ANKRD22: variants seen among roughly 807,000 people sequenced by gnomAD.
The protein encoded by ANKRD22 is ankyrin repeat domain-containing protein 22.
A neutral mutation model predicts 25.7 loss-of-function variants in ANKRD22; 24 were observed. That is an observed-to-expected ratio of 0.93 (90% CI 0.68 to 1.31). The LOEUF (loss-of-function observed/expected upper bound fraction) is 1.31. Among genes scored for constraint, ANKRD22 ranks in the 50% most tolerant of loss-of-function variants. The pLI is 0.00. For synonymous variants in ANKRD22, 84 were observed against 84.3 expected, an observed-to-expected ratio of 1.00 and a Z score of 0.02; for missense variants, 214 against 227.1, an observed-to-expected ratio of 0.94 and a Z score of 0.37.
At chr10:88,832,837 C>T (rs138202330) in intron 1 of ANKRD22, among the ~76,000 whole-genome samples, 221 of 152,248 alleles carry the variant, frequency 1.5e-3, no homozygotes, top group Middle Eastern at 3.4e-3. Flanking sequence ...CAGCCTTTCT[C>T]GACTTCTGTT....
chr10:88,824,999 T>TCACACA (rs1242949843), intron 4 of ANKRD22, among the ~76,000 whole-genome samples: 2 of 82,086 alleles, frequency 2.4e-5, no homozygotes, highest in East Asian at 6.0e-4. Flanking sequence ...TCTCTCTCTC[T>TCACACA]CTCTCTCTCT....
chr10:88,828,135 C>G (rs1393150877), intron 3 of ANKRD22, among the ~76,000 whole-genome samples: 3 of 152,150 alleles, frequency 2.0e-5, no homozygotes, highest in Non-Finnish European at 4.4e-5. Flanking sequence ...TGGATGCAAA[C>G]TTTTAGGATC....
rs891346978 is a variant in ANKRD22 at position 88,848,324 on chromosome 10, A to G, written c.21+3263T>C. Among the ~76,000 whole-genome samples, 79 of 151,912 alleles carry G rather than the reference A, an allele frequency of 5.2e-4. 1 individual carries two copies. Among genetic ancestry groups the G allele is most frequent in the African/African-American group, 1.8e-3 (76 of 41,466 alleles). ...TGAATAAATAAATAAAGGTATACAC[A>G]TTTTCAATCCTGGTGTCTTTTCATA... On this transcript the variant is annotated intron_variant, in intron 1 of 5. Transcript: ENST00000371930.
In ANKRD22 at chr10:88,838,980, G is replaced by A. The variant is rs1201437029; in HGVS notation, c.22-6954C>T. 2.0e-5 allele frequency among the ~76,000 whole-genome samples: 3 copies of A among 152,322 alleles called. No individual in the cohort carries two copies. The East Asian group carries it at 5.8e-4, about 29-fold the overall frequency. On this transcript the variant is annotated intron_variant, in intron 1 of 5. Transcript: ENST00000371930. ...CCTGTGAACAGCGCTCCCTAGAGCC[G>A]TGCTCTGGACAACCTGAAAAGCTAA...
chr10:88,828,579 G>T lies in ANKRD22; in HGVS notation c.301C>A (p.Leu101Ile). The T allele has an allele frequency of 6.2e-7, 1 of 1,607,754 alleles. No individual in the cohort carries two copies. Among genetic ancestry groups the T allele is most frequent in the Non-Finnish European group, 8.5e-7 (1 of 1,175,256 alleles). The change falls in exon 3 of 6, where the codon CTT (leucine) becomes ATT (isoleucine). Residue 101 changes from leucine (L) to isoleucine (I), a missense_variant. Transcript: ENST00000371930. The part of the protein sequence containing the change: ...LLIILLMPVL[L>I]IGYFLMVSKT... ...CTCACCATGAGGAAATACCCAATAA[G>T]CAGAACAGGCATTAAGAGGATAATT...
intron 1 of ANKRD22, among the ~76,000 whole-genome samples, chr10:88,836,134 C>T (rs1218831778): frequency 6.6e-6 from 1 of 152,176 alleles, no homozygotes; most frequent in Non-Finnish European, 1.5e-5. Context: ...CTCACGTGTT[C>T]CATATGCCGT....
chr10:88,851,602 T>A lies in ANKRD22; in HGVS notation c.6A>T (p.Gly2=). Residue 2 remains glycine, a synonymous_variant, in exon 1 of 6, where the codon GGA becomes GGT. Coordinates refer to ENST00000371930, the MANE Select transcript of ANKRD22 (RefSeq NM_144590.3). M[G]ILYSEPICQA... ...GGTGATGTACCTCAGAGTATAGGAT[T>A]CCCATGCTGGTCCTTCACAGGCTTA... The A allele has an allele frequency of 6.2e-7, 1 of 1,613,484 alleles. No homozygotes were observed. Among genetic ancestry groups the A allele is most frequent in the Non-Finnish European group, 8.5e-7 (1 of 1,179,560 alleles).
Position 88,824,420 on chromosome 10 carries a change from C to T in ANKRD22, c.400-1042G>A, listed in dbSNP as rs188856647. Among the ~76,000 whole-genome samples, 309 of 152,238 alleles carry T rather than the reference C, an allele frequency of 2.0e-3. 3 individuals are homozygous for T. Among genetic ancestry groups the T allele is most frequent in the Non-Finnish European group, 3.7e-3 (249 of 68,016 alleles). On this transcript the variant is annotated intron_variant, in intron 4 of 5. Transcript: ENST00000371930. Reference sequence around the variant, plus strand: ...TCTAAAATTATAGGAGATCATGTTGCAATTATTTATTTTTATTAAGTGGTG... The same window carrying T: ...TCTAAAATTATAGGAGATCATGTTGTAATTATTTATTTTTATTAAGTGGTG...
chr10:88,823,144 T>A, intron 5 of ANKRD22, 126 bp from the exon 6 acceptor site: 4 of 1,217,440 alleles, frequency 3.3e-6, no homozygotes, highest in Non-Finnish European at 3.6e-6. Flanking sequence ...AGTAATAGGA[T>A]AACTTCATTC....
At chr10:88,823,062 A>C (rs143893454) in intron 5 of ANKRD22, 44 bp from the exon 6 acceptor site, 1 of 1,574,812 alleles carries the variant, frequency 6.3e-7, no homozygotes, top group African/African-American at 1.4e-5. Flanking sequence ...AGAGTGCCCA[A>C]GATCTCGTAC....
chr10:88,820,519 A>C lies in ANKRD22; in HGVS notation c.*2422T>G. On this transcript the variant is annotated 3_prime_UTR_variant, in exon 6 of 6. Transcript: ENST00000371930. ...TATTGTGAAGCATCTGACACTGACG[A>C]TCTTAGGACAACCTCCTGAGGGATG... 1 of 1,543,904 alleles carries C rather than the reference A, an allele frequency of 6.5e-7. No homozygotes were observed. Among genetic ancestry groups the C allele is most frequent in the South Asian group, 1.2e-5 (1 of 83,378 alleles).
At chr10:88,823,408 C>A (rs1227261485) in intron 4 of ANKRD22, 30 bp from the exon 5 acceptor site, 1 of 1,556,006 alleles carries the variant, frequency 6.4e-7, no homozygotes, top group African/African-American at 1.4e-5. Context: ...AACTTCAGCT[C>A]ATAAGTCGGG....
rs1246542778 is a variant in ANKRD22 at position 88,825,007 on chromosome 10, TCTCTCACA to T, written c.399+1023_399+1030del. ...TTTGCTCTCTCTCTCTCTCTCTCTC[TCTCTCACA>T]CACACACACACACACACACACACAC... On this transcript the variant is annotated intron_variant, in intron 4 of 5. Transcript: ENST00000371930. Among the ~76,000 whole-genome samples the T allele has an allele frequency of 5.3e-3, 609 of 115,444 alleles. 10 individuals carry two copies. The East Asian group carries it at 0.091, about 17-fold the overall frequency. The allele number at this position is 115,444 out of a possible 152,430, so 75.7% of individuals were successfully genotyped here.
chr10:88,820,548 C>A lies in ANKRD22; in HGVS notation c.*2393G>T. 3.3e-6 allele frequency: 5 copies of A among 1,509,276 alleles called. No homozygotes were observed. The highest frequency in any genetic ancestry group is 4.4e-6 in the Non-Finnish European group (5 of 1,126,756). 93.5% of individuals were successfully genotyped at this position (1,509,276 alleles called of 1,614,324 possible). On this transcript the variant is annotated 3_prime_UTR_variant, in exon 6 of 6. Transcript: ENST00000371930. Reference sequence around the variant, plus strand: ...TAGGACAACCTCCTGAGGGATGGGGCTAGGACCCATGAAGGCAGAATTACG... The same window carrying A: ...TAGGACAACCTCCTGAGGGATGGGGATAGGACCCATGAAGGCAGAATTACG...
intron 1 of ANKRD22, among the ~76,000 whole-genome samples, chr10:88,836,178 C>T (rs1843952659): frequency 6.6e-6 from 1 of 152,094 alleles, no homozygotes; most frequent in Non-Finnish European, 1.5e-5. Context: ...CTGTCTTATC[C>T]ACACCCTTGA....
chr10:88,830,965 T>C (rs2133073093), intron 2 of ANKRD22, among the ~76,000 whole-genome samples: 1 of 152,216 alleles, frequency 6.6e-6, no homozygotes, highest in African/African-American at 2.4e-5. Context: ...AAACCAAAAA[T>C]AGTAAGCATA....
Position 88,822,725 on chromosome 10 carries a change from A to G in ANKRD22, c.*216T>C, listed in dbSNP as rs1843812248. 3 of 491,580 alleles carry G rather than the reference A, an allele frequency of 6.1e-6. No individual in the cohort carries two copies. Among genetic ancestry groups the G allele is most frequent in the South Asian group, 2.2e-5 (1 of 45,340 alleles). The allele number at this position is 491,580 out of a possible 1,614,324, so 30.5% of individuals were successfully genotyped here. On this transcript the variant is annotated 3_prime_UTR_variant, in exon 6 of 6. Coordinates refer to ENST00000371930, the MANE Select transcript of ANKRD22 (RefSeq NM_144590.3). ...CTGAAGTGGAGACTACAACAACTTT[A>G]GTGTTTCCCTTAGAAGGATTACGGC...
At chr10:88,823,434 A>G in intron 4 of ANKRD22, 56 bp from the exon 5 acceptor site, 1 of 1,265,546 alleles carries the variant, frequency 7.9e-7, no homozygotes, top group Non-Finnish European at 1.2e-6. Context: ...CACAGACCAT[A>G]GCATGTGGCT....
Position 88,820,190 on chromosome 10 carries a change from T to C in ANKRD22, c.*2751A>G. ...GAAACATAAATTATGAGCCTGAAAG[T>C]CCAAATGTTACCTAGAGTTAAGAAC... On this transcript the variant is annotated 3_prime_UTR_variant, in exon 6 of 6. Transcript: ENST00000371930. 1 of 1,479,144 alleles carries C rather than the reference T, an allele frequency of 6.8e-7. No individual in the cohort carries two copies. The highest frequency in any genetic ancestry group is 9.1e-7 in the Non-Finnish European group (1 of 1,104,586). 91.6% of individuals were successfully genotyped at this position (1,479,144 alleles called of 1,614,324 possible). A position where few individuals can be genotyped will look rare whatever the true frequency, so the allele number is the denominator to read the frequency against.
Sources: allele counts gnomAD v4.1 joint callset (sites outside exome capture counted in the v4.1 genomes callset), GRCh38; gene constraint gnomAD v4.1.1; transcripts MANE v1.5; gene names NCBI Gene and HGNC (gene_info 2026-07-23, HGNC 2026-07-21).